Variants in EPHA3 observed in about 807,000 individuals in gnomAD.
EPHA3 encodes the protein EPH receptor A3.
A neutral mutation model predicts 107.1 loss-of-function variants in EPHA3; 42 were observed. The ratio of observed to expected loss-of-function variants is 0.39; its 90% CI spans 0.31 to 0.51. The LOEUF is 0.51. EPHA3 is among the 20% of genes least tolerant of loss of function. The pLI is 0.78. For missense variants in EPHA3, 1,183 were observed against 1,211.2 expected, an observed-to-expected ratio of 0.98 and a Z score of 0.35; for synonymous variants, 461 against 424.8, an observed-to-expected ratio of 1.09 and a Z score of -1.05.
At chr3:89,256,843 A>G (rs1705298247) in intron 3 of EPHA3, among the ~76,000 whole-genome samples, 1 of 152,212 alleles carries the variant, frequency 6.6e-6, no homozygotes, top group African/African-American at 2.4e-5. Flanking sequence ...ATCACTTTAT[A>G]CCATACGGTA....
At chr3:89,255,006 T>G (rs1279557621) in intron 3 of EPHA3, among the ~76,000 whole-genome samples, 2 of 152,170 alleles carry the variant, frequency 1.3e-5, no homozygotes, top group Non-Finnish European at 2.9e-5. Context: ...CTTTCTGAGA[T>G]TCAAACAATT....
At chr3:89,475,231 CTAGA>C (rs1710483756) in intron 16 of EPHA3, among the ~76,000 whole-genome samples, 1 of 152,064 alleles carries the variant, frequency 6.6e-6, no homozygotes, top group African/African-American at 2.4e-5. Flanking sequence ...AAATATTGAG[CTAGA>C]TATTTTAGCT....
At chr3:89,177,980 A>G (rs1478100422) in intron 2 of EPHA3, among the ~76,000 whole-genome samples, 4 of 152,214 alleles carry the variant, frequency 2.6e-5, no homozygotes, top group Non-Finnish European at 4.4e-5. Context: ...ATGATAATGA[A>G]CATAATATCC....
At chr3:89,322,718 C>A (rs1707072351) in intron 3 of EPHA3, among the ~76,000 whole-genome samples, 1 of 152,114 alleles carries the variant, frequency 6.6e-6, no homozygotes, top group Non-Finnish European at 1.5e-5. Context: ...CAAAGGTAAT[C>A]ATTTCAATTA....
intron 5 of EPHA3, among the ~76,000 whole-genome samples, chr3:89,394,915 G>A (rs1708817996): frequency 6.6e-6 from 1 of 152,158 alleles, no homozygotes; most frequent in Non-Finnish European, 1.5e-5. Flanking sequence ...CGATTGGCGA[G>A]TGAACCAAGA....
intron 11 of EPHA3, among the ~76,000 whole-genome samples, chr3:89,426,741 A>G (rs977816313): frequency 4.6e-5 from 7 of 151,904 alleles, no homozygotes; most frequent in Non-Finnish European, 1.0e-4. Flanking sequence ...TGGTGGTGTG[A>G]GGCAAAATAT....
intron 3 of EPHA3, among the ~76,000 whole-genome samples, chr3:89,285,603 G>A (rs1433919695): frequency 6.6e-6 from 1 of 152,172 alleles, no homozygotes; most frequent in East Asian, 1.9e-4. Flanking sequence ...TGCTGATAAA[G>A]GGTGAGCATG....
chr3:89,293,579 G>A (rs1706270282), intron 3 of EPHA3, among the ~76,000 whole-genome samples: 2 of 152,238 alleles, frequency 1.3e-5, no homozygotes, highest in African/African-American at 2.4e-5. Flanking sequence ...GGTGGGAGGT[G>A]ATTGGGTCAT....
rs777708724 is a variant in EPHA3 at position 89,213,770 on chromosome 3, T to G, written c.814+3250T>G. On this transcript the variant is annotated intron_variant, in intron 3 of 16. Coordinates refer to ENST00000336596, the MANE Select transcript of EPHA3 (RefSeq NM_005233.6). ...AATGTGGCATTTTTGTCCCTTAAAT[T>G]TACTGATCTAGTGCTTAAAGCATTG... Among the ~76,000 whole-genome samples, 90 of 151,950 alleles carry G rather than the reference T, an allele frequency of 5.9e-4. 4 individuals are homozygous for G. Among genetic ancestry groups the G allele is most frequent in the Non-Finnish European group, 2.8e-4 (19 of 67,862 alleles).
chr3:89,320,544 G>A (rs553048812), intron 3 of EPHA3, among the ~76,000 whole-genome samples: 57 of 151,976 alleles, frequency 3.8e-4, no homozygotes, highest in African/African-American at 1.4e-3. Flanking sequence ...CTAAATAGAT[G>A]AAGAACTCTA....
chr3:89,176,497 T>TAAAAAAAA (rs55877149), intron 2 of EPHA3, among the ~76,000 whole-genome samples: 2 of 100,572 alleles, frequency 2.0e-5, no homozygotes, highest in Non-Finnish European at 2.0e-5. Context: ...ATTCCATCTC[T>TAAAAAAAA]AAAAAAAAAA....
intron 3 of EPHA3, among the ~76,000 whole-genome samples, chr3:89,297,337 C>T (rs1706378040): frequency 1.3e-5 from 2 of 152,182 alleles, no homozygotes; most frequent in South Asian, 4.2e-4. Flanking sequence ...CACTTGAACA[C>T]TTACAGGCCA....
chr3:89,256,143 C>T (rs375389483), intron 3 of EPHA3, among the ~76,000 whole-genome samples: 22 of 151,732 alleles, frequency 1.4e-4, no homozygotes, highest in African/African-American at 1.7e-4. Flanking sequence ...CCCAGCTACT[C>T]GGGAGGCTGA....
intron 15 of EPHA3, among the ~76,000 whole-genome samples, chr3:89,470,771 A>G (rs1221825538): frequency 1.3e-5 from 2 of 152,230 alleles, no homozygotes; most frequent in African/African-American, 4.8e-5. Flanking sequence ...GTGGTATAGA[A>G]TAATGTGGGT....
At position 89,436,168 on chromosome 3, in the gene EPHA3, A is replaced by G. The variant is rs578073919; in HGVS notation, c.2346+4809A>G. ...AATTTAAAAGGAAGAAGAAAAGAAA[A>G]AGAAAAAATACTATTACATTTTTGT... On this transcript the variant is annotated intron_variant, in intron 13 of 16. Transcript: ENST00000336596. Among the ~76,000 whole-genome samples the G allele has an allele frequency of 1.6e-4, 24 of 152,086 alleles. No homozygotes were observed. The South Asian group carries it at 4.6e-3, about 29-fold the overall frequency.
At chr3:89,234,769 TCC>T (rs1704714894) in intron 3 of EPHA3, among the ~76,000 whole-genome samples, 1 of 134,964 alleles carries the variant, frequency 7.4e-6, no homozygotes, top group African/African-American at 2.7e-5. Context: ...CCTTCCTTCC[TCC>T]CTCTCTCCCT....
intron 5 of EPHA3, among the ~76,000 whole-genome samples, chr3:89,384,443 T>C (rs1388053247): frequency 6.6e-6 from 1 of 152,150 alleles, no homozygotes; most frequent in African/African-American, 2.4e-5. Context: ...TGCAAAATTG[T>C]TTTTCGCTCT....
chr3:89,316,504 T>TAA (rs1257605326), intron 3 of EPHA3, among the ~76,000 whole-genome samples: 1 of 75,136 alleles, frequency 1.3e-5, no homozygotes, highest in African/African-American at 4.4e-5. Flanking sequence ...TGTGTGTGTG[T>TAA]AATATATATA....
chr3:89,377,976 G>A (rs148635827), intron 5 of EPHA3, among the ~76,000 whole-genome samples: 2,407 of 152,048 alleles, frequency 0.016, 65 homozygotes, highest in African/African-American at 0.055. Context: ...TTTTACTCCA[G>A]GTTATTCTTT....
Sources: gnomAD v4.1 joint callset for allele counts (sites outside exome capture counted in the v4.1 genomes callset) on GRCh38, gnomAD v4.1.1 for gene constraint, MANE v1.5 for transcripts, NCBI Gene and HGNC (gene_info 2026-07-23, HGNC 2026-07-21) for gene names.